Variants in ANKS1A observed in about 807,000 individuals in gnomAD.
The protein encoded by ANKS1A is ankyrin repeat and SAM domain-containing protein 1A.
In ANKS1A, 55 loss-of-function variants were observed where a neutral mutation model predicts 120.3. That is an observed-to-expected ratio of 0.46 (90% CI 0.37 to 0.57). ANKS1A has a LOEUF of 0.57. Among genes scored for constraint, ANKS1A ranks in the 20% least tolerant of loss-of-function variants. The pLI is 0.00. For missense variants in ANKS1A, 1,123 were observed against 1,480.3 expected (o/e 0.76, Z 3.96); for synonymous variants, 590 against 604.7 (o/e 0.98, Z 0.36).
chr6:34,982,910 T>C lies in ANKS1A; in HGVS notation c.808+83T>C. 1.9e-6 allele frequency: 3 copies of C among 1,555,644 alleles called. No individual in the cohort carries two copies. The highest frequency in any genetic ancestry group is 2.7e-6 in the Non-Finnish European group (3 of 1,128,656). ...CCTAGTCCCCTAGGGGGATTTTTGC[T>C]GGCTGTGTTTGAACTCAATGTATGT... On this transcript the variant is annotated intron_variant, in intron 5 of 23. Transcript: ENST00000360359. This position sits in a 1 kb window ranked among gnomAD's most constrained non-coding sequence, Gnocchi z 4.9.
At chr6:35,053,695 A>G (rs1304307299) in intron 11 of ANKS1A, among the ~76,000 whole-genome samples, 1 of 152,262 alleles carries the variant, frequency 6.6e-6, no homozygotes, top group African/African-American at 2.4e-5. Flanking sequence ...CAAAGCCGGC[A>G]AAGTCTTCAC....
At chr6:35,076,704 C>T (rs866768157) in intron 13 of ANKS1A, among the ~76,000 whole-genome samples, 9 of 152,172 alleles carry the variant, frequency 5.9e-5, no homozygotes, top group South Asian at 2.1e-4. Context: ...TCTCGGCTCA[C>T]TGTAACCTCT....
Position 35,090,558 on chromosome 6 carries a change from C to T in ANKS1A, c.*1949C>T. The T allele has an allele frequency of 9.7e-7, 1 of 1,029,818 alleles. No individual in the cohort carries two copies. The allele number at this position is 1,029,818 out of a possible 1,614,324, so 63.8% of individuals were successfully genotyped here. Reference sequence around the variant, plus strand: ...TTTCATATTGGAAGCCTTGGCTAGTCTGCTCTAGCTCTGGGTTCTGTTTAG... The same window carrying T: ...TTTCATATTGGAAGCCTTGGCTAGTTTGCTCTAGCTCTGGGTTCTGTTTAG... On this transcript the variant is annotated 3_prime_UTR_variant, in exon 24 of 24. Transcript: ENST00000360359.
chr6:34,950,906 A>G (rs895189863), intron 1 of ANKS1A, among the ~76,000 whole-genome samples: 8 of 152,216 alleles, frequency 5.3e-5, no homozygotes, highest in African/African-American at 1.9e-4. Context: ...GTCAGGCCCT[A>G]GAGGGCTTTG....
At chr6:34,987,856 G>A (rs1772292156) in intron 8 of ANKS1A, among the ~76,000 whole-genome samples, 1 of 152,232 alleles carries the variant, frequency 6.6e-6, no homozygotes, top group African/African-American at 2.4e-5. Flanking sequence ...ACAACACAGT[G>A]AACAAACCTG....
intron 1 of ANKS1A, among the ~76,000 whole-genome samples, chr6:34,906,213 G>A (rs904858409): frequency 2.6e-5 from 4 of 152,196 alleles, no homozygotes; most frequent in Non-Finnish European, 5.9e-5. Flanking sequence ...AGGTGCATCA[G>A]TGTGTCTTAA....
chr6:34,901,575 A>G (rs754151044), intron 1 of ANKS1A, among the ~76,000 whole-genome samples: 9 of 152,130 alleles, frequency 5.9e-5, no homozygotes, highest in Non-Finnish European at 1.2e-4. Flanking sequence ...CAGTGATGCA[A>G]TCACAGCTCA....
chr6:35,083,971 C>A, intron 20 of ANKS1A, 150 bp from the exon 21 acceptor site: 1 of 1,286,456 alleles, frequency 7.8e-7, no homozygotes, highest in East Asian at 2.4e-5. Flanking sequence ...ACCCCCACCC[C>A]CACCAATAAA....
chr6:34,927,336 A>G (rs1768766476), intron 1 of ANKS1A, among the ~76,000 whole-genome samples: 1 of 152,122 alleles, frequency 6.6e-6, no homozygotes, highest in Non-Finnish European at 1.5e-5. Context: ...AGAAATTGTT[A>G]TGTCCTAGAC....
intron 13 of ANKS1A, among the ~76,000 whole-genome samples, chr6:35,069,699 C>T (rs1776978418): frequency 7.6e-6 from 1 of 132,436 alleles, no homozygotes; most frequent in Non-Finnish European, 1.6e-5. Context: ...CACCACCCTA[C>T]CTGGCTAATA....
At chr6:35,035,200 G>A (rs1386449964) in intron 11 of ANKS1A, among the ~76,000 whole-genome samples, 12 of 152,190 alleles carry the variant, frequency 7.9e-5, no homozygotes, top group Admixed American at 6.5e-4. Context: ...TAGGTGCTGG[G>A]TGCAGGGGGT....
intron 12 of ANKS1A, among the ~76,000 whole-genome samples, chr6:35,054,889 C>T (rs969311987): frequency 7.9e-5 from 12 of 152,216 alleles, no homozygotes; most frequent in Admixed American, 2.0e-4. Flanking sequence ...CCCAAGCATC[C>T]AAAGATGGTC....
intron 10 of ANKS1A, among the ~76,000 whole-genome samples, chr6:35,007,577 A>G (rs972488091): frequency 1.3e-5 from 2 of 152,192 alleles, no homozygotes; most frequent in African/African-American, 4.8e-5. Context: ...ATAGTGGACA[A>G]CTTTCCATGT....
chr6:35,078,805 G>C, intron 14 of ANKS1A, 149 bp downstream of exon 14: 1 of 710,026 alleles, frequency 1.4e-6, no homozygotes, highest in Non-Finnish European at 2.3e-6. Context: ...AGCTCCGGAA[G>C]GGCCGCACAC....
At position 35,091,271 on chromosome 6, in the gene ANKS1A, T is replaced by C. The variant is rs1778292499; in HGVS notation, c.*2662T>C. The C allele has an allele frequency of 3.0e-6, 3 of 985,888 alleles. No individual in the cohort carries two copies. The highest frequency in any genetic ancestry group is 4.7e-5 in the South Asian group (1 of 21,292). The allele number at this position is 985,888 out of a possible 1,614,324, so 61.1% of individuals were successfully genotyped here. On this transcript the variant is annotated 3_prime_UTR_variant, in exon 24 of 24. Transcript: ENST00000360359. Reference sequence around the variant, plus strand: ...TGAGGTACCAAACATAACCAATCTGTGCAACAACATAGACTGACCTCAGTA... The same window carrying C: ...TGAGGTACCAAACATAACCAATCTGCGCAACAACATAGACTGACCTCAGTA...
intron 11 of ANKS1A, 124 bp from the exon 12 acceptor site, chr6:35,053,975 G>C: frequency 2.7e-6 from 2 of 749,190 alleles, no homozygotes; most frequent in Non-Finnish European, 2.4e-6. Flanking sequence ...CTTGCAGGCT[G>C]GTGCTGGTCC....
Position 35,030,779 on chromosome 6 carries a change from T to C in ANKS1A, c.2010+12720T>C, listed in dbSNP as rs1029581187. Among the ~76,000 whole-genome samples the C allele has an allele frequency of 3.8e-4, 58 of 152,216 alleles. 1 individual carries two copies. Among genetic ancestry groups the C allele is most frequent in the African/African-American group, 1.4e-3 (58 of 41,450 alleles). Reference sequence around the variant, plus strand: ...TAATAGTTGTTCAGATATTTGAAGCTGCAATTATGTCCTCCCACCCTCAAA... The same window carrying C: ...TAATAGTTGTTCAGATATTTGAAGCCGCAATTATGTCCTCCCACCCTCAAA... On this transcript the variant is annotated intron_variant, in intron 11 of 23. Transcript: ENST00000360359.
chr6:35,054,280 C>T, intron 12 of ANKS1A, 115 bp downstream of exon 12: 4 of 895,940 alleles, frequency 4.5e-6, no homozygotes, highest in Non-Finnish European at 7.3e-6. Context: ...AGGTCAGCTT[C>T]AGACCACGTC....
chr6:35,081,706 C>T (rs1427512992), intron 17 of ANKS1A, among the ~76,000 whole-genome samples: 8 of 152,244 alleles, frequency 5.3e-5, no homozygotes, highest in African/African-American at 1.2e-4. Flanking sequence ...ACGCCTCCTC[C>T]GCTCCCGGTG....
Sources: gnomAD v4.1 joint callset for allele counts (sites outside exome capture counted in the v4.1 genomes callset) on GRCh38, gnomAD v4.1.1 for gene constraint, Gnocchi (gnomAD v3.1) non-coding constraint, MANE v1.5 for transcripts, NCBI Gene and HGNC (gene_info 2026-07-23, HGNC 2026-07-21) for gene names.